Variants in TECRL observed in about 807,000 individuals in gnomAD.
TECRL encodes trans-2,3-enoyl-CoA reductase like.
In TECRL, 63 loss-of-function variants were observed where a neutral mutation model predicts 52.8. That is an observed-to-expected ratio of 1.19 (90% CI 0.97 to 1.47). The LOEUF is 1.47. TECRL is among the 40% of genes most tolerant of loss of function. The pLI, the probability that TECRL is intolerant of heterozygous loss-of-function variation, is 0.00. For synonymous variants in TECRL, 164 were observed against 141.9 expected, an observed-to-expected ratio of 1.16 and a Z score of -1.10; for missense variants, 482 against 429.6, an observed-to-expected ratio of 1.12 and a Z score of -1.08.
intron 2 of TECRL, among the ~76,000 whole-genome samples, chr4:64,360,561 C>A (rs762371101): frequency 6.6e-6 from 1 of 152,046 alleles, no homozygotes; most frequent in African/African-American, 2.4e-5. Context: ...TCAGGAAGAA[C>A]TTCTCTCACC....
At position 64,375,382 on chromosome 4, in the gene TECRL, T is replaced by G. The variant is rs13117957; in HGVS notation, c.235-159A>C. On this transcript the variant is annotated intron_variant, in intron 1 of 11. Coordinates refer to ENST00000381210, the MANE Select transcript of TECRL (RefSeq NM_001010874.5). Reference sequence around the variant, plus strand: ...GATTACTATTTTGACAAGCTTGAAATGTTGCAATCAGTAACAATATAATTT... The same window carrying G: ...GATTACTATTTTGACAAGCTTGAAAGGTTGCAATCAGTAACAATATAATTT... 0.61 allele frequency among the ~76,000 whole-genome samples: 92,996 copies of G among 151,630 alleles called. 31,421 individuals are homozygous for G. The highest frequency in any genetic ancestry group is 0.75 in the Non-Finnish European group (50,788 of 67,770).
Position 64,325,535 on chromosome 4 carries a change from T to A in TECRL, c.332-2743A>T, listed in dbSNP as rs1718205081. On this transcript the variant is annotated intron_variant, in intron 3 of 11. Transcript: ENST00000381210. ...TGGCTTCAATCTAATAAATGATAGT[T>A]TTTTTATACTGCTAAATTTGTGTAA... 2.6e-5 allele frequency among the ~76,000 whole-genome samples: 4 copies of A among 152,132 alleles called. No homozygotes were observed. The South Asian group carries it at 8.3e-4, about 31-fold the overall frequency.
At chr4:64,361,045 G>A (rs1197984947) in intron 2 of TECRL, among the ~76,000 whole-genome samples, 1 of 143,200 alleles carries the variant, frequency 7.0e-6, no homozygotes, top group Non-Finnish European at 1.5e-5. Context: ...CCTTCCCCAT[G>A]TGACAGGGCC....
intron 2 of TECRL, among the ~76,000 whole-genome samples, chr4:64,350,333 C>T (rs1720294605): frequency 6.6e-6 from 1 of 152,104 alleles, no homozygotes; most frequent in East Asian, 1.9e-4. Flanking sequence ...TGGATCTCAG[C>T]TCTGGATGAA....
At chr4:64,366,402 G>C (rs928774597) in intron 2 of TECRL, among the ~76,000 whole-genome samples, 1 of 151,958 alleles carries the variant, frequency 6.6e-6, no homozygotes, top group Non-Finnish European at 1.5e-5. Flanking sequence ...CAAAAGCAAT[G>C]ATTAACAAAT....
At chr4:64,326,219 T>C (rs1371177181) in intron 3 of TECRL, among the ~76,000 whole-genome samples, 1 of 152,118 alleles carries the variant, frequency 6.6e-6, no homozygotes, top group Non-Finnish European at 1.5e-5. Flanking sequence ...GAAACAGTGA[T>C]GGAAAAAAAT....
Position 64,328,044 on chromosome 4 carries a change from A to G in TECRL, c.331+468T>C, listed in dbSNP as rs140918351. Among the ~76,000 whole-genome samples, 812 of 152,070 alleles carry G rather than the reference A, an allele frequency of 5.3e-3. 9 individuals carry two copies. Among genetic ancestry groups the G allele is most frequent in the African/African-American group, 0.018 (739 of 41,530 alleles). ...AGTGCATTTATTGATAAATTTCTTG[A>G]GATCATAGGGTTTAAAAATCTGAGA... On this transcript the variant is annotated intron_variant, in intron 3 of 11. Coordinates refer to ENST00000381210, the MANE Select transcript of TECRL (RefSeq NM_001010874.5).
intron 2 of TECRL, among the ~76,000 whole-genome samples, chr4:64,367,034 C>G (rs1434887880): frequency 6.6e-6 from 1 of 152,088 alleles, no homozygotes; most frequent in African/African-American, 2.4e-5. Context: ...ACATATAATG[C>G]CATGGAGTAC....
chr4:64,346,586 C>T (rs976174252), intron 2 of TECRL, among the ~76,000 whole-genome samples: 1 of 152,242 alleles, frequency 6.6e-6, no homozygotes, highest in African/African-American at 2.4e-5. Flanking sequence ...ATGACTGGAA[C>T]TGGAGCAGCT....
At chr4:64,280,765 G>A (rs951122620) in intron 11 of TECRL, among the ~76,000 whole-genome samples, 1 of 152,228 alleles carries the variant, frequency 6.6e-6, no homozygotes, top group Middle Eastern at 3.4e-3. Flanking sequence ...CAAGCGAAAT[G>A]CGTTGTTATC....
At chr4:64,361,491 A>G (rs1721192737) in intron 2 of TECRL, among the ~76,000 whole-genome samples, 1 of 152,122 alleles carries the variant, frequency 6.6e-6, no homozygotes, top group East Asian at 1.9e-4. Flanking sequence ...GATTGGGAAC[A>G]TCTTGGACCC....
chr4:64,294,309 T>A (rs1560476634), intron 8 of TECRL, among the ~76,000 whole-genome samples: 1 of 152,042 alleles, frequency 6.6e-6, no homozygotes, highest in Non-Finnish European at 1.5e-5. Flanking sequence ...ATCTTATAAT[T>A]TTATCATTGG....
At chr4:64,304,382 G>C (rs562215953) in intron 7 of TECRL, among the ~76,000 whole-genome samples, 2 of 152,020 alleles carry the variant, frequency 1.3e-5, no homozygotes, top group South Asian at 4.1e-4. Flanking sequence ...CCTGAACATT[G>C]TAATTCTCTA....
chr4:64,287,282 T>A (rs1723126319), intron 9 of TECRL, among the ~76,000 whole-genome samples: 1 of 152,158 alleles, frequency 6.6e-6, no homozygotes, highest in Non-Finnish European at 1.5e-5. Flanking sequence ...TAATGTGTAA[T>A]AACAAACATA....
intron 9 of TECRL, among the ~76,000 whole-genome samples, chr4:64,289,443 T>C (rs1723253414): frequency 6.6e-6 from 1 of 152,192 alleles, no homozygotes; most frequent in Non-Finnish European, 1.5e-5. Flanking sequence ...CATTAGTTCA[T>C]TTATTTACAT....
chr4:64,305,852 C>A (rs1327924399), intron 6 of TECRL, among the ~76,000 whole-genome samples: 1 of 152,144 alleles, frequency 6.6e-6, no homozygotes, highest in Admixed American at 6.6e-5. Context: ...CTTGTCTTTG[C>A]CACATAAAAG....
At chr4:64,368,597 A>C (rs1721776445) in intron 2 of TECRL, among the ~76,000 whole-genome samples, 1 of 152,118 alleles carries the variant, frequency 6.6e-6, no homozygotes, top group South Asian at 2.1e-4. Context: ...CCCAGCCCTC[A>C]TAATTGTTTT....
intron 1 of TECRL, among the ~76,000 whole-genome samples, chr4:64,379,909 A>G (rs1403095429): frequency 6.6e-6 from 1 of 152,086 alleles, no homozygotes; most frequent in Non-Finnish European, 1.5e-5. Flanking sequence ...TTTCCATTGG[A>G]TAAATACCCA....
intron 9 of TECRL, among the ~76,000 whole-genome samples, chr4:64,286,953 AT>A (rs1359082796): frequency 6.6e-6 from 1 of 152,164 alleles, no homozygotes; most frequent in Non-Finnish European, 1.5e-5. Flanking sequence ...ATTAGATTAT[AT>A]TGTGTTTCGC....
Sources: allele counts gnomAD v4.1 joint callset (sites outside exome capture counted in the v4.1 genomes callset), GRCh38; gene constraint gnomAD v4.1.1; transcripts MANE v1.5; gene names NCBI Gene and HGNC (gene_info 2026-07-23, HGNC 2026-07-21).